Variants in SCO2 observed in about 807,000 individuals in gnomAD.
The protein encoded by SCO2 is cytochrome c oxidase assembly factor SCO2.
For missense variants in SCO2, 429 were observed against 348.7 expected (o/e 1.23, Z -1.83); for synonymous variants, 195 against 148.6 (o/e 1.31, Z -2.27).
At chr22:50,525,947 C>T (rs776042696), upstream of SCO2, 7 of 1,415,332 alleles carry the variant, frequency 4.9e-6, no homozygotes, top group East Asian at 2.9e-5. Flanking sequence ...TTAGAGGCCG[C>T]GCGGCCGGAG....
At chr22:50,526,332 C>T (rs1209463945), upstream of SCO2, 2 of 1,559,710 alleles carry the variant, frequency 1.3e-6, no homozygotes, top group Non-Finnish European at 1.7e-6. Flanking sequence ...GCACAGGGCT[C>T]GGGCCAGACC....
At position 50,523,639 on chromosome 22, in the gene SCO2, A is replaced by G. The variant is rs1352878283; in HGVS notation, c.773T>C (p.Met258Thr). ...EQISDSVRRH[M>T]AAFRSVLS ...AGACAGGACACTGCGGAAAGCCGCCATGTGCCGCCGCACACTGTCTGAGAT... is the reference window on the plus strand; with the variant it reads ...AGACAGGACACTGCGGAAAGCCGCCGTGTGCCGCCGCACACTGTCTGAGAT... Residue 258 changes from methionine (M) to threonine (T), a missense_variant, in exon 2 of 2, where the codon ATG becomes ACG. Met to Thr is a moderately conservative substitution (Grantham distance 81). Coordinates refer to ENST00000395693, the MANE Select transcript of SCO2 (RefSeq NM_005138.3). The G allele has an allele frequency of 2.5e-6, 4 of 1,613,690 alleles. No individual in the cohort carries two copies. Among genetic ancestry groups the G allele is most frequent in the Non-Finnish European group, 3.4e-6 (4 of 1,180,038 alleles).
At chr22:50,525,618 A>C, upstream of SCO2, 10 of 1,208,914 alleles carry the variant, frequency 8.3e-6, no homozygotes, top group Non-Finnish European at 1.2e-5. Flanking sequence ...GCGCATGCGC[A>C]CACGGGCGCA....
chr22:50,525,411 A>G, intron 1 of SCO2, 61 bp downstream of exon 1: 1 of 328,826 alleles, frequency 3.0e-6, no homozygotes, highest in South Asian at 2.9e-5. Flanking sequence ...CTGGGAAACT[A>G]CCCCGGAGTC....
chr22:50,525,728 G>A (rs781268336), upstream of SCO2: 96 of 1,596,298 alleles, frequency 6.0e-5, no homozygotes, highest in Non-Finnish European at 7.8e-5. Flanking sequence ...GGATCCTTCC[G>A]CTCCCGCCCA....
chr22:50,524,797 G>A (rs1203022062), intron 1 of SCO2: 1 of 395,024 alleles, frequency 2.5e-6, no homozygotes, highest in African/African-American at 2.1e-5. Flanking sequence ...TAACTCTCTG[G>A]CTTGCAATCC....
At chr22:50,526,239 C>A (rs776978384), upstream of SCO2, 1 of 1,533,878 alleles carries the variant, frequency 6.5e-7, no homozygotes, top group South Asian at 1.2e-5. Flanking sequence ...ACTCCCCCGA[C>A]GCTCACCATC....
At chr22:50,526,186 G>T, upstream of SCO2, 1 of 1,473,876 alleles carries the variant, frequency 6.8e-7, no homozygotes, top group Non-Finnish European at 9.0e-7. Context: ...GAAGGGGCGG[G>T]GCCTCGGGAA....
chr22:50,523,846 AAC>A lies in SCO2; in HGVS notation c.564_565del (p.Leu189GlyfsTer13), dbSNP rs1354986828. 1.2e-6 allele frequency: 2 copies of A among 1,613,886 alleles called. No homozygotes were observed. Among genetic ancestry groups the A allele is most frequent in the Non-Finnish European group, 1.7e-6 (2 of 1,180,026 alleles). On this transcript the variant is annotated frameshift_variant, in exon 2 of 2. Coordinates refer to ENST00000395693, the MANE Select transcript of SCO2 (RefSeq NM_005138.3). LOFTEE classifies it low-confidence loss of function (END_TRUNC). ...CTGTTTGGTGGAGCCGGTCAGACCCAACAGTCTTGGGTGGAAGTCCTGGACGT... is the reference window on the plus strand; with the variant it reads ...CTGTTTGGTGGAGCCGGTCAGACCCAAGTCTTGGGTGGAAGTCCTGGACGT...
rs8139305 is a variant in SCO2, at chr22:50,523,636, G to T, written c.776C>A (p.Ala259Glu). ...QISDSVRRHM[A>E]AFRSVLS ...TCAAGACAGGACACTGCGGAAAGCC[G>T]CCATGTGCCGCCGCACACTGTCTGA... is the stretch of plus-strand genomic sequence containing the variant. Residue 259 changes from alanine to glutamate, a missense_variant, in exon 2 of 2, where the codon GCG becomes GAG. Ala to Glu is a moderately radical substitution (Grantham distance 107). Transcript: ENST00000395693. 1.2e-6 allele frequency: 2 copies of T among 1,613,760 alleles called. No homozygotes were observed. The highest frequency in any genetic ancestry group is 2.7e-5 in the African/African-American group (2 of 75,042).
chr22:50,525,736 C>A, upstream of SCO2: 1 of 1,603,562 alleles, frequency 6.2e-7, no homozygotes. Flanking sequence ...CCGCTCCCGC[C>A]CAAGCACTGA....
In SCO2 at chr22:50,523,600, A is replaced by G. The variant is rs778774488; in HGVS notation, c.*11T>C. 6.2e-7 allele frequency: 1 copy of G among 1,612,672 alleles called. No individual in the cohort carries two copies. The highest frequency in any genetic ancestry group is 1.1e-5 in the South Asian group (1 of 91,040). On this transcript the variant is annotated 3_prime_UTR_variant, in exon 2 of 2. Transcript: ENST00000395693. Reference sequence around the variant, plus strand: ...CAGCCCGTTTAATGATGGGGCCCAGACTGCAGTGGCTCAAGACAGGACACT... The same window carrying G: ...CAGCCCGTTTAATGATGGGGCCCAGGCTGCAGTGGCTCAAGACAGGACACT...
upstream of SCO2, chr22:50,526,007 G>A: frequency 1.4e-6 from 2 of 1,447,654 alleles, no homozygotes; most frequent in Admixed American, 2.6e-5. Flanking sequence ...TCACCACGGC[G>A]CAGCCTCTGA....
At chr22:50,524,828 C>G in intron 1 of SCO2, 1 of 374,170 alleles carries the variant, frequency 2.7e-6, no homozygotes, top group Non-Finnish European at 5.3e-6. Context: ...CCGATTCCTC[C>G]AACACTTTCC....
chr22:50,526,409 C>T (rs1432826566), upstream of SCO2: 14 of 1,513,300 alleles, frequency 9.3e-6, no homozygotes, highest in Non-Finnish European at 1.1e-5. Flanking sequence ...CGTCCAGCGC[C>T]GCGGCCACCC....
chr22:50,525,673 C>G (rs1040349002), upstream of SCO2: 17 of 1,531,476 alleles, frequency 1.1e-5, no homozygotes, highest in Middle Eastern at 2.1e-4. Flanking sequence ...CGGAGCCCGC[C>G]GGGGGTCACG....
intron 1 of SCO2, among the ~76,000 whole-genome samples, chr22:50,525,041 C>T (rs1226244511): frequency 6.6e-6 from 1 of 152,236 alleles, no homozygotes. Flanking sequence ...GGCTCACAGC[C>T]GACGCCCTGC....
chr22:50,525,761 A>C (rs751872685), upstream of SCO2: 1 of 1,610,250 alleles, frequency 6.2e-7, no homozygotes, highest in Non-Finnish European at 8.5e-7. Context: ...GTTTCGCGGC[A>C]AAGGAGCTTT....
chr22:50,523,700 T>C lies in SCO2; in HGVS notation c.712A>G (p.Thr238Ala), dbSNP rs747801399. Residue 238 changes from threonine (T) to alanine (A), a missense_variant, in exon 2 of 2, where the codon ACG (threonine) becomes GCG (alanine). Physicochemically the swap from Thr to Ala is moderately conservative, Grantham distance 58. Coordinates refer to ENST00000395693, the MANE Select transcript of SCO2 (RefSeq NM_005138.3). ...IYLLNPDGLF[T>A]DYYGRSRSAE... is the part of the protein sequence containing the mutation. ...GATCTGCTCCGGCCGTAGTAATCCG[T>C]GAAGAGGCCGTCAGGGTTGAGCAGG... 1.9e-6 allele frequency: 3 copies of C among 1,614,142 alleles called. No homozygotes were observed. The South Asian group carries it at 3.3e-5, about 18-fold the overall frequency.
Sources: gnomAD v4.1 joint callset for allele counts (sites outside exome capture counted in the v4.1 genomes callset) on GRCh38, gnomAD v4.1.1 for gene constraint, MANE v1.5 for transcripts, NCBI Gene and HGNC (gene_info 2026-07-23, HGNC 2026-07-21) for gene names.